Variants in MYL11 observed in about 807,000 individuals in gnomAD.
The protein encoded by MYL11 is myosin light chain 11.
chr16:30,374,302 G>A, the MYL11 span, among the ~76,000 whole-genome samples: 1 of 150,914 alleles, frequency 6.6e-6, no homozygotes. Flanking sequence ...GGGAGACAGA[G>A]CGAGACTGTC....
chr16:30,377,818 TC>T, the MYL11 span: 2 of 1,613,324 alleles, frequency 1.2e-6, no homozygotes, highest in South Asian at 1.1e-5. Flanking sequence ...TGGGCGGCCT[TC>T]CCCCCCGACG....
At chr16:30,377,278 G>T in the MYL11 span, among the ~76,000 whole-genome samples, 1 of 151,988 alleles carries the variant, frequency 6.6e-6, no homozygotes, top group Non-Finnish European at 1.5e-5. Flanking sequence ...AGCTACTCCG[G>T]AGGCTGAGGC....
chr16:30,376,709 G>A, the MYL11 span: 1 of 1,612,136 alleles, frequency 6.2e-7, no homozygotes, highest in South Asian at 1.1e-5. Context: ...GTAAGCATCG[G>A]CTCCCCCACC....
the MYL11 span, among the ~76,000 whole-genome samples, chr16:30,374,242 G>A: frequency 1.3e-5 from 2 of 150,410 alleles, no homozygotes; most frequent in African/African-American, 4.9e-5. Context: ...CTTGAACAGG[G>A]GAGGTGGAGG....
chr16:30,375,966 C>T, the MYL11 span: 1 of 1,578,438 alleles, frequency 6.3e-7, no homozygotes, highest in African/African-American at 1.3e-5. Flanking sequence ...CCCTGCTGGC[C>T]CTCTCCCTGG....
the MYL11 span, chr16:30,376,605 C>G: frequency 1.9e-6 from 3 of 1,614,128 alleles, no homozygotes; most frequent in Non-Finnish European, 2.5e-6. Flanking sequence ...TTCATGTGCC[C>G]TCTGACCCCC....
the MYL11 span, chr16:30,377,630 T>TC: frequency 6.8e-7 from 1 of 1,460,750 alleles, no homozygotes; most frequent in South Asian, 1.5e-5. Flanking sequence ...CAATCGCAAC[T>TC]CCCCTTGTGT....
the MYL11 span, among the ~76,000 whole-genome samples, chr16:30,375,464 C>CAAAAAAA: frequency 1.3e-5 from 1 of 74,560 alleles, no homozygotes; most frequent in African/African-American, 4.0e-5. Flanking sequence ...GACTCTGTCT[C>CAAAAAAA]AAAAAAAAAA....
At chr16:30,377,886 A>AAGGACC in the MYL11 span, 3 of 1,612,428 alleles carry the variant, frequency 1.9e-6, no homozygotes, top group Non-Finnish European at 2.5e-6. Flanking sequence ...CGGCGACGCC[A>AAGGACC]AGGACCAGGA....
the MYL11 span, chr16:30,377,718 G>C: frequency 3.2e-6 from 5 of 1,583,670 alleles, no homozygotes; most frequent in Non-Finnish European, 4.3e-6. Context: ...TGGGGACCGG[G>C]GCGGGGCCGG....
At chr16:30,376,089 G>A in the MYL11 span, 2 of 1,581,462 alleles carry the variant, frequency 1.3e-6, no homozygotes, top group Non-Finnish European at 1.7e-6. Context: ...CCTGGGGTAG[G>A]GATGCTGAGG....
the MYL11 span, among the ~76,000 whole-genome samples, chr16:30,375,464 C>CAAAA: frequency 2.7e-5 from 2 of 74,554 alleles, no homozygotes; most frequent in African/African-American, 8.0e-5. Flanking sequence ...GACTCTGTCT[C>CAAAA]AAAAAAAAAA....
At chr16:30,376,416 C>G in the MYL11 span, 24 of 1,611,180 alleles carry the variant, frequency 1.5e-5, 1 homozygote, top group Admixed American at 1.2e-4. Flanking sequence ...CCCCCAACCC[C>G]CTCCAGGCCG....
the MYL11 span, among the ~76,000 whole-genome samples, chr16:30,374,313 TAA>T: frequency 1.1e-4 from 14 of 132,048 alleles, no homozygotes; most frequent in Admixed American, 7.6e-5. Context: ...CGAGACTGTC[TAA>T]AAAAAAAAAA....
the MYL11 span, among the ~76,000 whole-genome samples, chr16:30,371,590 C>T: frequency 1.3e-5 from 2 of 152,312 alleles, no homozygotes; most frequent in Non-Finnish European, 2.9e-5. Flanking sequence ...AGCTCCTCCC[C>T]AGAACCCAGG....
chr16:30,372,223 G>A, the MYL11 span: 1 of 152,558 alleles, frequency 6.6e-6, no homozygotes, highest in South Asian at 2.1e-4. Flanking sequence ...TATAAGGCGA[G>A]GCAGCTGCTG....
the MYL11 span, among the ~76,000 whole-genome samples, chr16:30,371,968 C>T: frequency 6.6e-6 from 1 of 152,200 alleles, no homozygotes; most frequent in African/African-American, 2.4e-5. Flanking sequence ...TCCAGTGAGA[C>T]CTAGCTCCCG....
At chr16:30,376,005 G>A in the MYL11 span, 1 of 1,507,710 alleles carries the variant, frequency 6.6e-7, no homozygotes, top group Non-Finnish European at 9.1e-7. Flanking sequence ...GGAGGGGAAA[G>A]GTTTAGAATT....
chr16:30,375,845 C>G, the MYL11 span: 1 of 1,614,068 alleles, frequency 6.2e-7, no homozygotes, highest in Non-Finnish European at 8.5e-7. Flanking sequence ...AAGAGAAGGA[C>G]AGTAGAGGGC....
Sources: gnomAD v4.1 joint callset for allele counts (sites outside exome capture counted in the v4.1 genomes callset) on GRCh38, gnomAD v4.1.1 for gene constraint, MANE v1.5 for transcripts, NCBI Gene and HGNC (gene_info 2026-07-23, HGNC 2026-07-21) for gene names.